DLG2: variants seen among roughly 807,000 people sequenced by gnomAD.
DLG2 encodes the protein disks large homolog 2.
Under a neutral mutation model 132.5 loss-of-function variants are expected in DLG2, and 45 were observed. The observed-to-expected ratio is 0.34, with a 90% CI of 0.27 to 0.44. DLG2 has a LOEUF of 0.44. Among genes scored for constraint, DLG2 ranks in the 20% least tolerant of loss-of-function variants. DLG2 has a pLI of 1.00. For missense variants in DLG2, 1,045 were observed against 1,196.9 expected (o/e 0.87, Z 1.87); for synonymous variants, 424 against 419.6 (o/e 1.01, Z -0.13).
intron 6 of DLG2, among the ~76,000 whole-genome samples, chr11:84,858,108 G>A (rs906277335): frequency 2.6e-5 from 4 of 151,970 alleles, no homozygotes; most frequent in Non-Finnish European, 4.4e-5. Context: ...GCCCAGGCTG[G>A]TCATGAACTC....
Position 85,340,588 on chromosome 11 carries a change from C to T in DLG2, c.41-55223G>A, listed in dbSNP as rs533319744. Among the ~76,000 whole-genome samples, 58 of 152,218 alleles carry T rather than the reference C, an allele frequency of 3.8e-4. 1 individual carries two copies. In the South Asian group the frequency reaches 0.01, roughly 27 times the overall value. ...AACCAACATGGCACATGTATACCTA[C>T]GTATCAAACCTGCACATTGTGCACA... is the stretch of plus-strand genomic sequence containing the variant. On this transcript the variant is annotated intron_variant, in intron 3 of 27. Transcript: ENST00000376104.
At chr11:84,729,453 T>C (rs1429840778) in intron 6 of DLG2, among the ~76,000 whole-genome samples, 1 of 152,198 alleles carries the variant, frequency 6.6e-6, no homozygotes, top group Non-Finnish European at 1.5e-5. Context: ...CTGTTTGTTA[T>C]GATTTCCGTT....
Position 84,254,498 on chromosome 11 carries a change from GT to G in DLG2, c.520-3208del, listed in dbSNP as rs552729431. 3.0e-3 allele frequency among the ~76,000 whole-genome samples: 453 copies of G among 152,226 alleles called. 3 individuals carry two copies. Among genetic ancestry groups the G allele is most frequent in the Non-Finnish European group, 5.3e-3 (361 of 68,010 alleles). ...ACTTAGAATTTATTGACTAAAGGTAGTGATAAAGTATAGAAGTAGGTATAAA... is the reference window on the plus strand; with the variant it reads ...ACTTAGAATTTATTGACTAAAGGTAGGATAAAGTATAGAAGTAGGTATAAA... On this transcript the variant is annotated intron_variant, in intron 7 of 27. Transcript: ENST00000376104.
At chr11:84,456,508 C>G (rs903474861) in intron 7 of DLG2, among the ~76,000 whole-genome samples, 7 of 151,334 alleles carry the variant, frequency 4.6e-5, no homozygotes, top group East Asian at 3.9e-4. Flanking sequence ...CCTTTTGCTA[C>G]AGATCTCCTA....
intron 3 of DLG2, among the ~76,000 whole-genome samples, chr11:85,426,323 T>A (rs987373865): frequency 2.0e-5 from 3 of 152,194 alleles, no homozygotes; most frequent in African/African-American, 7.2e-5. Flanking sequence ...ACGGACAGAC[T>A]GCCTCCCCAA....
intron 6 of DLG2, among the ~76,000 whole-genome samples, chr11:84,850,123 G>A (rs1291237282): frequency 6.6e-6 from 1 of 152,036 alleles, no homozygotes; most frequent in Non-Finnish European, 1.5e-5. Context: ...CAACTAGGAT[G>A]GTTGGTCATT....
At chr11:83,842,704 T>C (rs965082539) in intron 16 of DLG2, among the ~76,000 whole-genome samples, 1 of 150,266 alleles carries the variant, frequency 6.7e-6, no homozygotes, top group Non-Finnish European at 1.5e-5. Context: ...TAGCCCCAGG[T>C]ACTCGGGAGG....
At chr11:85,198,523 A>G (rs1595305690) in intron 4 of DLG2, among the ~76,000 whole-genome samples, 2 of 152,296 alleles carry the variant, frequency 1.3e-5, no homozygotes, top group Middle Eastern at 3.4e-3. Flanking sequence ...TGTACACATT[A>G]TAGAATTATA....
chr11:83,958,788 A>G (rs7116988), intron 14 of DLG2, among the ~76,000 whole-genome samples: 5,269 of 152,184 alleles, frequency 0.035, 339 homozygotes, highest in African/African-American at 0.12. Flanking sequence ...CCTTGATTGA[A>G]GATAGTTTTT....
chr11:83,892,981 C>A (rs897945288), intron 15 of DLG2, among the ~76,000 whole-genome samples: 3 of 152,166 alleles, frequency 2.0e-5, no homozygotes, highest in African/African-American at 7.2e-5. Flanking sequence ...GTCAGTTTGG[C>A]CTACAATCTT....
rs555994701 is a variant in DLG2 at position 84,149,939 on chromosome 11, G to A, written c.624+13522C>T. On this transcript the variant is annotated intron_variant, in intron 9 of 27. Transcript: ENST00000376104. ...TGCCTGGCTAATTTTTGTATGTTTA[G>A]TAGAGATGGGGTTTCACTATATTGG... Among the ~76,000 whole-genome samples the A allele has an allele frequency of 2.0e-5, 3 of 152,104 alleles. No homozygotes were observed. In the East Asian group the frequency reaches 5.8e-4, roughly 30 times the overall value.
chr11:83,539,805 A>T (rs2096007321), intron 20 of DLG2, among the ~76,000 whole-genome samples: 1 of 152,206 alleles, frequency 6.6e-6, no homozygotes, highest in African/African-American at 2.4e-5. Context: ...AATAAGAGAG[A>T]AATAGCTAAT....
chr11:83,883,817 A>C (rs1277663737), intron 15 of DLG2, among the ~76,000 whole-genome samples: 1 of 151,708 alleles, frequency 6.6e-6, no homozygotes, highest in Admixed American at 6.6e-5. Flanking sequence ...AAAAAAAAAA[A>C]CCCTTTCCCC....
chr11:85,191,933 T>C (rs1388084370), intron 4 of DLG2, among the ~76,000 whole-genome samples: 1 of 152,182 alleles, frequency 6.6e-6, no homozygotes, highest in Admixed American at 6.5e-5. Flanking sequence ...TGTGAAATAA[T>C]TTCCCCCAAG....
chr11:83,830,598 G>A (rs551861360), intron 17 of DLG2, among the ~76,000 whole-genome samples: 20 of 152,208 alleles, frequency 1.3e-4, no homozygotes, highest in Non-Finnish European at 2.6e-4. Context: ...ATTGCTTTAT[G>A]TGTTCCCGAA....
rs58290466 is a variant in DLG2 at position 83,850,161 on chromosome 11, T to TGTG, written c.1566-16392_1566-16391insCAC. Among the ~76,000 whole-genome samples, 267 of 126,864 alleles carry TGTG rather than the reference T, an allele frequency of 2.1e-3. 1 individual carries two copies. Among genetic ancestry groups the TGTG allele is most frequent in the African/African-American group, 6.2e-3 (198 of 31,842 alleles). 83.2% of individuals were successfully genotyped at this position (126,864 alleles called of 152,430 possible). A position where few individuals can be genotyped will look rare whatever the true frequency, so the allele number is the denominator to read the frequency against. On this transcript the variant is annotated intron_variant, in intron 16 of 27. Coordinates refer to ENST00000376104, the MANE Select transcript of DLG2 (RefSeq NM_001142699.3). ...GTGTGTGTGTGTGTGTGTGTGTGTG[T>TGTG]TTTTTTACTTGAGACGGAGTCTCAC...
intron 12 of DLG2, among the ~76,000 whole-genome samples, chr11:83,975,697 G>C (rs1739810964): frequency 6.6e-6 from 1 of 151,884 alleles, no homozygotes; most frequent in African/African-American, 2.4e-5. Flanking sequence ...AAAATTTACT[G>C]GAAGAGAGAG....
At chr11:84,534,858 G>C in intron 6 of DLG2, 127 bp from the exon 7 acceptor site, 3 of 1,111,294 alleles carry the variant, frequency 2.7e-6, no homozygotes, top group Admixed American at 3.4e-5. Flanking sequence ...TCACCAAATG[G>C]GCTTTGCTGC....
intron 2 of DLG2, among the ~76,000 whole-genome samples, chr11:85,614,703 T>C (rs1565765332): frequency 6.6e-6 from 1 of 152,208 alleles, no homozygotes; most frequent in Admixed American, 6.5e-5. Flanking sequence ...TTATTACTAA[T>C]AATATTAGCT....
Sources: gnomAD v4.1 joint callset for allele counts (sites outside exome capture counted in the v4.1 genomes callset) on GRCh38, gnomAD v4.1.1 for gene constraint, MANE v1.5 for transcripts, NCBI Gene and HGNC (gene_info 2026-07-23, HGNC 2026-07-21) for gene names.